RPSA2: variants seen among roughly 807,000 people sequenced by gnomAD.
RPSA2 encodes ribosomal protein SA 2.
the RPSA2 span, among the ~76,000 whole-genome samples, chr19:23,774,348 C>T: frequency 6.6e-6 from 1 of 152,196 alleles, no homozygotes; most frequent in African/African-American, 2.4e-5. Context: ...TGATGTGACT[C>T]TCTTCTCCTG....
the RPSA2 span, chr19:23,828,108 C>G: frequency 2.2e-6 from 1 of 454,054 alleles, no homozygotes; most frequent in South Asian, 2.5e-5. Context: ...AAATAAACAT[C>G]AGTTTCTAAA....
the RPSA2 span, among the ~76,000 whole-genome samples, chr19:23,836,320 T>A: frequency 1.3e-5 from 2 of 152,126 alleles, no homozygotes; most frequent in African/African-American, 4.8e-5. Context: ...TGCAAATGCT[T>A]TTAATTAATT....
chr19:23,847,793 G>T, the RPSA2 span, among the ~76,000 whole-genome samples: 5 of 152,106 alleles, frequency 3.3e-5, no homozygotes, highest in African/African-American at 1.2e-4. Context: ...TTCCCAGAGC[G>T]GCCATTTATA....
At chr19:23,820,427 G>T in the RPSA2 span, among the ~76,000 whole-genome samples, 1 of 152,194 alleles carries the variant, frequency 6.6e-6, no homozygotes, top group African/African-American at 2.4e-5. Context: ...ACCAGGCCCT[G>T]TCACTTAGAG....
the RPSA2 span, among the ~76,000 whole-genome samples, chr19:23,830,271 A>C: frequency 3.3e-5 from 5 of 152,130 alleles, no homozygotes; most frequent in Admixed American, 1.3e-4. Context: ...CAGCCTCCTG[A>C]GTAGCTGGTA....
chr19:23,839,788 G>A, the RPSA2 span, among the ~76,000 whole-genome samples: 1 of 152,190 alleles, frequency 6.6e-6, no homozygotes, highest in Non-Finnish European at 1.5e-5. Context: ...GGGCCTCCCT[G>A]TTGCCTCCTG....
the RPSA2 span, among the ~76,000 whole-genome samples, chr19:23,867,009 A>G: frequency 2.0e-5 from 3 of 152,178 alleles, no homozygotes; most frequent in South Asian, 2.1e-4. Context: ...ATATAGCACA[A>G]TTATTGCTTA....
the RPSA2 span, among the ~76,000 whole-genome samples, chr19:23,789,130 A>T: frequency 6.8e-6 from 1 of 148,016 alleles, no homozygotes; most frequent in Non-Finnish European, 1.5e-5. Context: ...CCTCCCAAGT[A>T]GCTGGGATTA....
At chr19:23,759,522 G>GT in the RPSA2 span, among the ~76,000 whole-genome samples, 55 of 89,040 alleles carry the variant, frequency 6.2e-4, 1 homozygote, top group African/African-American at 2.3e-3. Flanking sequence ...TATATATCAG[G>GT]TTTTTTTTTT....
At chr19:23,846,787 G>A in the RPSA2 span, among the ~76,000 whole-genome samples, 1 of 152,136 alleles carries the variant, frequency 6.6e-6, no homozygotes, top group Non-Finnish European at 1.5e-5. Flanking sequence ...GCTGATTTTA[G>A]AATTACTTCT....
At chr19:23,783,925 T>C in the RPSA2 span, among the ~76,000 whole-genome samples, 1 of 152,162 alleles carries the variant, frequency 6.6e-6, no homozygotes, top group Non-Finnish European at 1.5e-5. Flanking sequence ...CAGGAGAGGA[T>C]TGTAACATCT....
the RPSA2 span, among the ~76,000 whole-genome samples, chr19:23,862,948 G>A: frequency 6.8e-6 from 1 of 147,614 alleles, no homozygotes; most frequent in African/African-American, 2.5e-5. Context: ...TCTGTTGTCA[G>A]GCTGGAGTGC....
the RPSA2 span, among the ~76,000 whole-genome samples, chr19:23,867,436 G>T: frequency 6.6e-6 from 1 of 152,208 alleles, no homozygotes; most frequent in Non-Finnish European, 1.5e-5. Flanking sequence ...AATAACCTAG[G>T]ATTTAAAATG....
At chr19:23,822,181 C>T in the RPSA2 span, among the ~76,000 whole-genome samples, 5 of 152,178 alleles carry the variant, frequency 3.3e-5, no homozygotes, top group South Asian at 2.1e-4. Context: ...ATATTGATTG[C>T]CTTTTTTCCA....
At chr19:23,835,626 TG>T in the RPSA2 span, among the ~76,000 whole-genome samples, 606 of 141,476 alleles carry the variant, frequency 4.3e-3, 2 homozygotes, top group African/African-American at 0.011. Context: ...TTTTTTTTTT[TG>T]TTGTTGTTGT....
the RPSA2 span, among the ~76,000 whole-genome samples, chr19:23,829,489 T>C: frequency 6.6e-6 from 1 of 152,080 alleles, no homozygotes; most frequent in South Asian, 2.1e-4. Flanking sequence ...TTAGTAGATA[T>C]GAGGTTTCTC....
chr19:23,854,891 C>G, the RPSA2 span, among the ~76,000 whole-genome samples: 1 of 152,118 alleles, frequency 6.6e-6, no homozygotes. Context: ...TAAATTTTGT[C>G]GTTGGATGGA....
chr19:23,827,904 G>T, the RPSA2 span: 1 of 912,810 alleles, frequency 1.1e-6, no homozygotes, highest in South Asian at 1.4e-5. Flanking sequence ...GTTGCAGACT[G>T]GTCTGAAGGT....
the RPSA2 span, among the ~76,000 whole-genome samples, chr19:23,859,891 A>G: frequency 6.6e-6 from 1 of 152,172 alleles, no homozygotes; most frequent in African/African-American, 2.4e-5. Flanking sequence ...AAGATTAAAC[A>G]TTGTCTAATT....
Sources: allele counts gnomAD v4.1 joint callset (sites outside exome capture counted in the v4.1 genomes callset), GRCh38; gene constraint gnomAD v4.1.1; transcripts MANE v1.5; gene names NCBI Gene and HGNC (gene_info 2026-07-23, HGNC 2026-07-21).